The following STXBP4 variants were observed in gnomAD, a reference collection of about 807,000 sequenced individuals.
STXBP4 encodes syntaxin binding protein 4.
Under a neutral mutation model 76.1 loss-of-function variants are expected in STXBP4, and 55 were observed. The observed-to-expected ratio is 0.72, with a 90% CI of 0.58 to 0.91. The LOEUF is 0.91. Among genes scored for constraint, STXBP4 ranks in the 40% least tolerant of loss-of-function variants. STXBP4 has a pLI of 0.00. For missense variants in STXBP4, 618 were observed against 636.9 expected (o/e 0.97, Z 0.32); for synonymous variants, 201 against 220.2 (o/e 0.91, Z 0.77).
At chr17:55,182,300 G>T in the STXBP4 span, among the ~76,000 whole-genome samples, 20 of 152,114 alleles carry the variant, frequency 1.3e-4, no homozygotes, top group African/African-American at 4.8e-4. Context: ...GGATACTTTA[G>T]AGCTAAAAGA....
At position 55,173,345 on chromosome 17, in the gene STXBP4, A is replaced by C. The variant is rs2080416509; in HGVS notation, c.*13434A>C. The C allele has an allele frequency of 6.6e-6, 1 of 151,764 alleles. No individual in the cohort carries two copies. The highest frequency in any genetic ancestry group is 1.5e-5 in the Non-Finnish European group (1 of 67,912). 9.4% of individuals were successfully genotyped at this position (151,764 alleles called of 1,614,324 possible). A position where few individuals can be genotyped will look rare whatever the true frequency, so the allele number is the denominator to read the frequency against. ...TTATAACACACCCTTCCCCACCCCA[A>C]CTCCTGGCAATTACTGCTCTATTCT... On this transcript the variant is annotated 3_prime_UTR_variant, in exon 18 of 18. Transcript: ENST00000376352.
intron 4 of STXBP4, among the ~76,000 whole-genome samples, chr17:54,997,577 A>T (rs13341659): frequency 0.014 from 1,981 of 145,380 alleles, 45 homozygotes; most frequent in African/African-American, 0.046. Flanking sequence ...ATATAATATA[A>T]ATATATATAT....
intron 17 of STXBP4, among the ~76,000 whole-genome samples, chr17:55,145,259 T>A (rs2080139573): frequency 6.6e-6 from 1 of 152,236 alleles, no homozygotes; most frequent in Non-Finnish European, 1.5e-5. Context: ...GTGTTAGCTT[T>A]TGAGGTAAGA....
chr17:55,038,636 C>T (rs976862283), intron 10 of STXBP4, among the ~76,000 whole-genome samples: 1 of 151,982 alleles, frequency 6.6e-6, no homozygotes, highest in East Asian at 1.9e-4. Context: ...CAGTGCTACA[C>T]CTGCTGCTGG....
At chr17:55,197,481 C>T in the STXBP4 span, among the ~76,000 whole-genome samples, 20,489 of 152,198 alleles carry the variant, frequency 0.13, 1,728 homozygotes, top group African/African-American at 0.22. Context: ...CTGTGGCTCA[C>T]GCCTGTAATC....
At chr17:55,038,950 TA>T (rs2078649817) in intron 10 of STXBP4, among the ~76,000 whole-genome samples, 1 of 152,140 alleles carries the variant, frequency 6.6e-6, no homozygotes, top group African/African-American at 2.4e-5. Context: ...ATGTTTCACT[TA>T]TACAGGATCA....
intron 8 of STXBP4, among the ~76,000 whole-genome samples, chr17:55,024,076 C>A (rs1358342422): frequency 6.6e-6 from 1 of 151,972 alleles, no homozygotes; most frequent in Non-Finnish European, 1.5e-5. Context: ...ATGCCCTCTG[C>A]GAAAATGAAA....
chr17:55,080,907 C>T (rs1288797424), intron 15 of STXBP4, 143 bp from the exon 16 acceptor site: 1 of 675,864 alleles, frequency 1.5e-6, no homozygotes, highest in Non-Finnish European at 2.1e-6. Context: ...ATGTGAATTA[C>T]TTCAATTTTG....
intron 8 of STXBP4, among the ~76,000 whole-genome samples, chr17:55,019,630 T>C (rs920492143): frequency 7.2e-5 from 11 of 152,224 alleles, no homozygotes; most frequent in African/African-American, 2.2e-4. Flanking sequence ...TATTCATTGT[T>C]CTGTTTTGCA....
intron 10 of STXBP4, among the ~76,000 whole-genome samples, chr17:55,036,164 C>A (rs913084902): frequency 1.3e-5 from 2 of 151,942 alleles, no homozygotes; most frequent in Non-Finnish European, 2.9e-5. Flanking sequence ...CAAACTGCCC[C>A]CCAGACCTCC....
intron 1 of STXBP4, among the ~76,000 whole-genome samples, chr17:54,979,720 A>G (rs1039263683): frequency 6.6e-6 from 1 of 152,182 alleles, no homozygotes; most frequent in Non-Finnish European, 1.5e-5. Context: ...TGAGCTTTTT[A>G]ACATTATTAT....
intron 1 of STXBP4, among the ~76,000 whole-genome samples, chr17:54,979,478 C>G (rs1598147702): frequency 6.6e-6 from 1 of 152,136 alleles, no homozygotes; most frequent in African/African-American, 2.4e-5. Flanking sequence ...TAACAGTGCT[C>G]TCTGCTAAGA....
chr17:55,123,022 T>C (rs2079863783), intron 16 of STXBP4, among the ~76,000 whole-genome samples: 1 of 152,226 alleles, frequency 6.6e-6, no homozygotes, highest in African/African-American at 2.4e-5. Flanking sequence ...TGGGAGTTTA[T>C]ATTCCTTGTA....
intron 17 of STXBP4, among the ~76,000 whole-genome samples, chr17:55,154,186 G>A (rs190638358): frequency 1.6e-4 from 25 of 152,132 alleles, no homozygotes; most frequent in Admixed American, 3.3e-4. Context: ...CTCTACATTC[G>A]GTTGGCGGAT....
At chr17:55,100,531 T>C (rs2079551196) in intron 16 of STXBP4, among the ~76,000 whole-genome samples, 1 of 152,198 alleles carries the variant, frequency 6.6e-6, no homozygotes, top group Non-Finnish European at 1.5e-5. Flanking sequence ...ACAAAAACTT[T>C]TACACATAGT....
At chr17:55,092,627 C>A (rs1249709675) in intron 16 of STXBP4, among the ~76,000 whole-genome samples, 1 of 152,208 alleles carries the variant, frequency 6.6e-6, no homozygotes, top group Non-Finnish European at 1.5e-5. Flanking sequence ...TGCATCACTT[C>A]AGATGTTCCT....
the STXBP4 span, among the ~76,000 whole-genome samples, chr17:55,213,152 A>C: frequency 5.3e-5 from 8 of 152,312 alleles, no homozygotes; most frequent in Non-Finnish European, 8.8e-5. Context: ...CCCCATCGAC[A>C]GCAGATCTAA....
chr17:55,190,725 A>C, the STXBP4 span, among the ~76,000 whole-genome samples: 2 of 151,956 alleles, frequency 1.3e-5, no homozygotes, highest in African/African-American at 4.8e-5. Context: ...TTTCCACGCT[A>C]CTCCCTGAGC....
chr17:55,208,321 G>T, the STXBP4 span, among the ~76,000 whole-genome samples: 1 of 152,020 alleles, frequency 6.6e-6, no homozygotes. Context: ...CTGCTTTTGT[G>T]CACCTGTTGC....
Sources: gnomAD v4.1 joint callset for allele counts (sites outside exome capture counted in the v4.1 genomes callset) on GRCh38, gnomAD v4.1.1 for gene constraint, MANE v1.5 for transcripts, NCBI Gene and HGNC (gene_info 2026-07-23, HGNC 2026-07-21) for gene names.